Variants in IPCEF1 observed in about 807,000 individuals in gnomAD.
The protein encoded by IPCEF1 is interaction protein for cytohesin exchange factors 1.
IPCEF1 carries 31 observed loss-of-function variants against 50.9 expected under a neutral mutation model. The ratio of observed to expected loss-of-function variants is 0.61; its 90% confidence interval spans 0.46 to 0.82. The LOEUF is 0.82. Among genes scored for constraint, IPCEF1 ranks in the 40% least tolerant of loss-of-function variants. IPCEF1 has a pLI of 0.00. For missense variants in IPCEF1, 458 were observed against 514.0 expected (o/e 0.89, Z 1.05); for synonymous variants, 181 against 192.0 (o/e 0.94, Z 0.47).
chr6:154,276,209 G>A (rs997048480), intron 2 of IPCEF1, among the ~76,000 whole-genome samples: 1 of 148,252 alleles, frequency 6.7e-6, no homozygotes, highest in Non-Finnish European at 1.5e-5. Context: ...AAGAGAAAAA[G>A]AGAGAGAGAG....
intron 1 of IPCEF1, among the ~76,000 whole-genome samples, chr6:154,318,574 G>A (rs959071857): frequency 5.9e-5 from 9 of 151,770 alleles, no homozygotes; most frequent in East Asian, 1.9e-4. Flanking sequence ...TTTCTTGGCC[G>A]GGTGTGGTGG....
intron 1 of IPCEF1, among the ~76,000 whole-genome samples, chr6:154,314,210 C>G (rs1460328573): frequency 6.6e-6 from 1 of 152,088 alleles, no homozygotes; most frequent in South Asian, 2.1e-4. Flanking sequence ...TCACAAAAAA[C>G]AAGTCTTTGG....
At position 154,212,806 on chromosome 6, in the gene IPCEF1, T is replaced by C; in HGVS notation, c.501A>G (p.Thr167=). The C allele has an allele frequency of 6.2e-7, 1 of 1,613,794 alleles. No homozygotes were observed. The highest frequency in any genetic ancestry group is 8.5e-7 in the Non-Finnish European group (1 of 1,179,676). The change falls in exon 9 of 12, where the codon ACA becomes ACG. Residue 167 remains threonine (T), a synonymous_variant. Transcript: ENST00000367220. The part of the protein sequence containing the change: ...EQEDPEIAAE[T]PPPPHASQTQ... ...TCTGGGAAGCGTGAGGAGGGGGTGG[T>C]GTCTCCGCAGCTATTTCTGGATCTT...
chr6:154,214,732 T>A (rs1235528016), intron 7 of IPCEF1, among the ~76,000 whole-genome samples: 1 of 152,234 alleles, frequency 6.6e-6, no homozygotes, highest in African/African-American at 2.4e-5. Context: ...AATATTTTTA[T>A]GTCAATCAGT....
intron 10 of IPCEF1, among the ~76,000 whole-genome samples, chr6:154,183,548 T>C (rs1189200471): frequency 6.6e-6 from 1 of 152,194 alleles, no homozygotes; most frequent in Non-Finnish European, 1.5e-5. Flanking sequence ...GTGCGCTCTA[T>C]AGAATACCAA....
intron 5 of IPCEF1, among the ~76,000 whole-genome samples, chr6:154,243,337 A>T (rs980107177): frequency 6.6e-6 from 1 of 152,162 alleles, no homozygotes; most frequent in African/African-American, 2.4e-5. Context: ...GTTTTGTAGG[A>T]CTTGTGTGCC....
chr6:154,180,408 A>ATT (rs1402868949), intron 10 of IPCEF1, among the ~76,000 whole-genome samples: 714 of 39,492 alleles, frequency 0.018, 4 homozygotes, highest in East Asian at 0.032. Context: ...ATATATATAT[A>ATT]TATATATTTT....
At chr6:154,180,414 A>ATATATATTTT (rs1241250621) in intron 10 of IPCEF1, among the ~76,000 whole-genome samples, 179 of 65,188 alleles carry the variant, frequency 2.7e-3, no homozygotes, top group African/African-American at 5.8e-3. Context: ...ATATATATAT[A>ATATATATTTT]TTTTTTTTTT....
At chr6:154,186,524 G>A (rs969279684) in intron 10 of IPCEF1, among the ~76,000 whole-genome samples, 5 of 151,944 alleles carry the variant, frequency 3.3e-5, no homozygotes, top group African/African-American at 4.8e-5. Flanking sequence ...CCTCATGTCC[G>A]TGCACGGAGC....
Position 154,302,538 on chromosome 6 carries a change from G to A in IPCEF1, c.-61-12782C>T, listed in dbSNP as rs146575544. Among the ~76,000 whole-genome samples, 572 of 152,100 alleles carry A rather than the reference G, an allele frequency of 3.8e-3. 5 individuals carry two copies. The highest frequency in any genetic ancestry group is 0.013 in the African/African-American group (555 of 41,474). ...CTCCCAGGATGGAGTGCAGTGGCAT[G>A]AGCTCAGTTCACTGTAGCCTCAACA... On this transcript the variant is annotated intron_variant, in intron 1 of 11. Transcript: ENST00000367220.
chr6:154,175,809 C>T (rs1204896288), intron 10 of IPCEF1, among the ~76,000 whole-genome samples: 1 of 152,228 alleles, frequency 6.6e-6, no homozygotes, highest in Non-Finnish European at 1.5e-5. Flanking sequence ...GGAATCCTCC[C>T]AAACTCATTT....
chr6:154,164,863 C>A (rs1180670974), intron 11 of IPCEF1, among the ~76,000 whole-genome samples: 4 of 152,184 alleles, frequency 2.6e-5, no homozygotes, highest in Admixed American at 6.5e-5. Context: ...TCCTAAATAT[C>A]TGTATTTAGT....
chr6:154,249,908 G>C (rs377285008), intron 3 of IPCEF1, among the ~76,000 whole-genome samples: 7 of 42,094 alleles, frequency 1.7e-4, no homozygotes, highest in Admixed American at 5.7e-4. Flanking sequence ...TCAAAGAAAG[G>C]CTTTTTTTTT....
chr6:154,181,570 A>G (rs1046849240), intron 10 of IPCEF1, among the ~76,000 whole-genome samples: 11 of 152,222 alleles, frequency 7.2e-5, no homozygotes, highest in Non-Finnish European at 1.2e-4. Context: ...CAAATTAGGC[A>G]ATATATAGTC....
chr6:154,203,080 A>G (rs1777201718), intron 9 of IPCEF1, among the ~76,000 whole-genome samples: 1 of 152,206 alleles, frequency 6.6e-6, no homozygotes, highest in African/African-American at 2.4e-5. Flanking sequence ...TATTTCTAAC[A>G]TTCTGGAGAA....
intron 3 of IPCEF1, among the ~76,000 whole-genome samples, chr6:154,259,883 A>T (rs1271267168): frequency 6.6e-6 from 1 of 152,066 alleles, no homozygotes; most frequent in East Asian, 1.9e-4. Flanking sequence ...TTGGCCCCTT[A>T]TTTCAACATA....
At chr6:154,190,647 G>A (rs1425982967) in intron 10 of IPCEF1, among the ~76,000 whole-genome samples, 2 of 152,132 alleles carry the variant, frequency 1.3e-5, no homozygotes, top group Admixed American at 1.3e-4. Context: ...TCCAGCAATT[G>A]TACTCATTGC....
chr6:154,236,634 G>A (rs1187334935), intron 5 of IPCEF1, among the ~76,000 whole-genome samples: 2 of 152,222 alleles, frequency 1.3e-5, no homozygotes, highest in Non-Finnish European at 2.9e-5. Context: ...TCCAAGGTAA[G>A]TTTTACAAGA....
At chr6:154,351,657 A>C (rs1784121767) in intron 1 of IPCEF1, among the ~76,000 whole-genome samples, 1 of 152,180 alleles carries the variant, frequency 6.6e-6, no homozygotes, top group Non-Finnish European at 1.5e-5. Flanking sequence ...ACAGGCTCAG[A>C]GACACAAAGG....
Sources: allele counts gnomAD v4.1 joint callset (sites outside exome capture counted in the v4.1 genomes callset), GRCh38; gene constraint gnomAD v4.1.1; transcripts MANE v1.5; gene names NCBI Gene and HGNC (gene_info 2026-07-23, HGNC 2026-07-21).